The following CLTC variants were observed in gnomAD, a reference collection of about 807,000 sequenced individuals.
CLTC encodes clathrin heavy chain, also known as clathrin heavy chain 1.
CLTC carries 16 observed loss-of-function variants against 195.8 expected under a neutral mutation model. The ratio of observed to expected loss-of-function variants is 0.08; its 90% confidence interval spans 0.06 to 0.12. CLTC has a LOEUF of 0.12. Among genes scored for constraint, CLTC ranks in the 10% least tolerant of loss-of-function variants. CLTC has a pLI of 1.00. For missense variants in CLTC, 796 were observed against 2,027.0 expected (o/e 0.39, Z 11.66); for synonymous variants, 667 against 689.4 (o/e 0.97, Z 0.51).
At position 59,661,517 on chromosome 17, in the gene CLTC, A is replaced by G; in HGVS notation, c.1242A>G (p.Leu414=). 1 of 1,614,080 alleles carries G rather than the reference A, an allele frequency of 6.2e-7. No homozygotes were observed. The highest frequency in any genetic ancestry group is 8.5e-7 in the Non-Finnish European group (1 of 1,179,984). Residue 414 remains leucine, a synonymous_variant, in exon 8 of 32, where the codon CTA becomes CTG. Coordinates refer to ENST00000269122, the MANE Select transcript of CLTC (RefSeq NM_004859.4). ...VPAQPGQTSP[L]LQYFGILLDQ... Reference sequence around the variant, plus strand: ...CCCAGCCAGGTCAAACTTCTCCTCTACTTCAGTACTTTGGTATCCTTTTGG... The same window carrying G: ...CCCAGCCAGGTCAAACTTCTCCTCTGCTTCAGTACTTTGGTATCCTTTTGG...
At chr17:59,658,759 TATG>T (rs1473612025) in intron 6 of CLTC, 1 of 152,228 alleles carries the variant, frequency 6.6e-6, no homozygotes, top group Non-Finnish European at 1.5e-5. Flanking sequence ...AGTCTTTAAG[TATG>T]ATAACGATAA....
chr17:59,664,945 T>G (rs2032694277), intron 10 of CLTC, 36 bp downstream of exon 10: 1 of 1,608,906 alleles, frequency 6.2e-7, no homozygotes, highest in Non-Finnish European at 8.5e-7. Flanking sequence ...AGAAGCTGAT[T>G]GAAATGGAGA....
intron 30 of CLTC, 144 bp from the exon 31 acceptor site, chr17:59,690,484 TTGCCATTG>T (rs2033271827): frequency 1.8e-6 from 1 of 564,766 alleles, no homozygotes; most frequent in Non-Finnish European, 3.1e-6. Flanking sequence ...AGTATGAACA[TTGCCATTG>T]AATTTGAGGG....
In CLTC at chr17:59,685,472, CT is replaced by C; in HGVS notation, c.4606-109del. ...TAATTTAAATGATACAACTAGGAGG[CT>C]TTTTTCCCCTTGCAAAACCAGATTT... On this transcript the variant is annotated intron_variant, in intron 29 of 31. Transcript: ENST00000269122. This position sits in a 1 kb window ranked among gnomAD's most constrained non-coding sequence, Gnocchi z 5.0. The C allele has an allele frequency of 8.2e-6, 8 of 980,256 alleles. 1 individual carries two copies. The Admixed American group carries it at 8.4e-5, about 10-fold the overall frequency. 60.7% of individuals were successfully genotyped at this position (980,256 alleles called of 1,614,324 possible).
intron 1 of CLTC, among the ~76,000 whole-genome samples, chr17:59,636,465 AT>A (rs1343840725): frequency 2.6e-5 from 4 of 151,886 alleles, no homozygotes; most frequent in African/African-American, 9.7e-5. Context: ...TTTATTTTTT[AT>A]TTTTTTGGAG....
chr17:59,641,620 A>AAT (rs1365787718), intron 1 of CLTC, among the ~76,000 whole-genome samples: 3 of 151,196 alleles, frequency 2.0e-5, no homozygotes, highest in Non-Finnish European at 4.4e-5. Flanking sequence ...AAAAAAAAAA[A>AAT]AAAAAAAGAG....
At chr17:59,625,238 C>T (rs918759049) in intron 1 of CLTC, among the ~76,000 whole-genome samples, 8 of 151,090 alleles carry the variant, frequency 5.3e-5, no homozygotes, top group African/African-American at 1.7e-4. Context: ...CCTCCCGAGT[C>T]GCTGGGACTA....
At chr17:59,678,825 C>T (rs57048349) in intron 17 of CLTC, among the ~76,000 whole-genome samples, 6,254 of 142,936 alleles carry the variant, frequency 0.044, 348 homozygotes, top group African/African-American at 0.14. Context: ...ACATAGCGAG[C>T]CCCCCGTCTC....
rs1204626389 is a variant in CLTC at position 59,696,536 on chromosome 17, T to C, written c.*2684T>C. The C allele has an allele frequency of 1.2e-5, 2 of 169,608 alleles. No individual in the cohort carries two copies. Among genetic ancestry groups the C allele is most frequent in the Non-Finnish European group, 2.4e-5 (2 of 84,730 alleles). The allele number at this position is 169,608 out of a possible 1,614,324, so 10.5% of individuals were successfully genotyped here. A position where few individuals can be genotyped will look rare whatever the true frequency, so the allele number is the denominator to read the frequency against. On this transcript the variant is annotated 3_prime_UTR_variant, in exon 32 of 32. Coordinates refer to ENST00000269122, the MANE Select transcript of CLTC (RefSeq NM_004859.4). ...CCTAAAAGAAGGCTTAAATAGTTTC[T>C]AACAAGATGACTATCAGGAAGCTAT...
In CLTC at chr17:59,644,545, T is replaced by TG. The variant is rs778144990; in HGVS notation, c.250+62_250+63insG. On this transcript the variant is annotated intron_variant, in intron 2 of 31. Transcript: ENST00000269122. The stretch of plus-strand genomic sequence containing the variant: ...TATGTTTTTGTTTTTTTTTGTTTTT[T>TG]TTTTGTTTGTTTGTTTGTTTTTGAG... 6.0e-4 allele frequency: 771 copies of TG among 1,290,310 alleles called. 4 individuals carry two copies. The highest frequency in any genetic ancestry group is 5.3e-3 in the East Asian group (204 of 38,660). The allele number at this position is 1,290,310 out of a possible 1,614,324, so 79.9% of individuals were successfully genotyped here.
intron 17 of CLTC, among the ~76,000 whole-genome samples, chr17:59,678,960 A>G (rs2033025158): frequency 6.6e-6 from 1 of 152,180 alleles, no homozygotes; most frequent in African/African-American, 2.4e-5. Context: ...TATGATCGCA[A>G]CACTGCACTC....
intron 1 of CLTC, among the ~76,000 whole-genome samples, chr17:59,636,619 C>G (rs2031868125): frequency 6.6e-6 from 1 of 152,028 alleles, no homozygotes; most frequent in African/African-American, 2.4e-5. Context: ...CTCCAAAGCA[C>G]TGGGATTACA....
At chr17:59,668,622 T>G (rs544865819) in intron 13 of CLTC, among the ~76,000 whole-genome samples, 155 bp from the exon 14 acceptor site, 1 of 152,350 alleles carries the variant, frequency 6.6e-6, no homozygotes, top group Non-Finnish European at 1.5e-5. Context: ...TTTACTGATC[T>G]GATTAATGGA....
At chr17:59,640,208 A>C (rs1018189221) in intron 1 of CLTC, among the ~76,000 whole-genome samples, 7 of 152,290 alleles carry the variant, frequency 4.6e-5, no homozygotes, top group African/African-American at 1.4e-4. Context: ...AATAAGAGTG[A>C]CTTGTCCTAT....
At chr17:59,644,624 C>T (rs1973842) in intron 2 of CLTC, 141 bp downstream of exon 2, 564,276 of 677,360 alleles carry the variant, frequency 0.83, 237,131 homozygotes, top group East Asian at 0.96. Flanking sequence ...GATCTTGGCT[C>T]ACTGCAATCT....
At chr17:59,637,043 A>G (rs903094514) in intron 1 of CLTC, among the ~76,000 whole-genome samples, 1 of 151,166 alleles carries the variant, frequency 6.6e-6, no homozygotes, top group African/African-American at 2.4e-5. Context: ...TAGCCTCCCA[A>G]AGTGCTGGAA....
intron 4 of CLTC, among the ~76,000 whole-genome samples, chr17:59,649,290 C>T (rs2032270709): frequency 6.6e-6 from 1 of 152,204 alleles, no homozygotes; most frequent in Non-Finnish European, 1.5e-5. Flanking sequence ...TCTGAGGACA[C>T]TTCTGGATCC....
chr17:59,677,352 G>GA (rs1323783595), intron 17 of CLTC, among the ~76,000 whole-genome samples, 164 bp downstream of exon 17: 1 of 152,088 alleles, frequency 6.6e-6, no homozygotes, highest in Non-Finnish European at 1.5e-5. Context: ...CCAAATAGTG[G>GA]ATAAAGTCTA....
chr17:59,641,948 A>G (rs2032047758), intron 1 of CLTC, among the ~76,000 whole-genome samples: 2 of 150,632 alleles, frequency 1.3e-5, no homozygotes, highest in Admixed American at 1.3e-4. Context: ...TCAGCCTCCC[A>G]AAGTGCTGGG....
Sources: gnomAD v4.1 joint callset for allele counts (sites outside exome capture counted in the v4.1 genomes callset) on GRCh38, gnomAD v4.1.1 for gene constraint, Gnocchi (gnomAD v3.1) non-coding constraint, MANE v1.5 for transcripts, NCBI Gene and HGNC (gene_info 2026-07-23, HGNC 2026-07-21) for gene names.